Variants in ATOSA observed in about 807,000 individuals in gnomAD.
ATOSA encodes atos homolog A, also known as atos homolog protein A.
At chr15:52,679,334 C>A in the ATOSA span, 1 of 154,192 alleles carries the variant, frequency 6.5e-6, no homozygotes, top group East Asian at 1.9e-4. Flanking sequence ...GCCCCGGCTC[C>A]CCGTCCCCCT....
the ATOSA span, chr15:52,657,006 GA>G: frequency 1.3e-5 from 2 of 152,010 alleles, no homozygotes; most frequent in Non-Finnish European, 2.9e-5. Flanking sequence ...AACATTTTAT[GA>G]AAAGTTTTTC....
At chr15:52,597,562 T>C in the ATOSA span, among the ~76,000 whole-genome samples, 1 of 152,220 alleles carries the variant, frequency 6.6e-6, no homozygotes, top group African/African-American at 2.4e-5. Context: ...TATAAAATTA[T>C]AGAATATACA....
chr15:52,611,001 C>T, the ATOSA span: 10 of 1,109,006 alleles, frequency 9.0e-6, no homozygotes, highest in South Asian at 2.0e-5. Context: ...TTTTGAAAAA[C>T]CTCAGTAAAT....
At chr15:52,707,214 G>A in the ATOSA span, among the ~76,000 whole-genome samples, 1 of 152,216 alleles carries the variant, frequency 6.6e-6, no homozygotes, top group African/African-American at 2.4e-5. Context: ...AGGGGGAAAT[G>A]TTTGATGCGG....
the ATOSA span, among the ~76,000 whole-genome samples, chr15:52,601,346 G>A: frequency 1.3e-5 from 2 of 151,784 alleles, no homozygotes; most frequent in Admixed American, 6.6e-5. Context: ...TTTTATTAGT[G>A]TTGAAAAAAC....
chr15:52,588,153 G>A, the ATOSA span, among the ~76,000 whole-genome samples: 1 of 152,184 alleles, frequency 6.6e-6, no homozygotes, highest in Admixed American at 6.5e-5. Flanking sequence ...CGTTAGGAAT[G>A]TGAAATGTCT....
the ATOSA span, among the ~76,000 whole-genome samples, chr15:52,663,447 G>A: frequency 6.6e-6 from 1 of 151,958 alleles, no homozygotes; most frequent in Non-Finnish European, 1.5e-5. Flanking sequence ...TATCTCAGAG[G>A]TCATACCACA....
chr15:52,678,292 C>A, the ATOSA span: 1 of 593,840 alleles, frequency 1.7e-6, no homozygotes. Flanking sequence ...TCCTCCGGAT[C>A]GAGCACCCCC....
At chr15:52,634,172 C>T in the ATOSA span, among the ~76,000 whole-genome samples, 1,196 of 152,246 alleles carry the variant, frequency 7.9e-3, 7 homozygotes, top group Middle Eastern at 0.014. Context: ...GTGGCTCATG[C>T]CTGTAATCCC....
chr15:52,656,377 G>A, the ATOSA span: 1 of 152,074 alleles, frequency 6.6e-6, no homozygotes, highest in Admixed American at 6.6e-5. Context: ...AATCATATTT[G>A]CTGCAATGAT....
the ATOSA span, among the ~76,000 whole-genome samples, chr15:52,617,010 T>C: frequency 1.3e-5 from 2 of 152,156 alleles, no homozygotes; most frequent in African/African-American, 2.4e-5. Flanking sequence ...TATATTGTTA[T>C]GAAATTAGAG....
chr15:52,658,352 T>C, the ATOSA span: 1 of 158,844 alleles, frequency 6.3e-6, no homozygotes, highest in African/African-American at 2.4e-5. Context: ...AGGGAGATAA[T>C]AGTTGTCTTT....
the ATOSA span, among the ~76,000 whole-genome samples, chr15:52,660,737 C>T: frequency 6.6e-6 from 1 of 152,080 alleles, no homozygotes; most frequent in African/African-American, 2.4e-5. Context: ...CTGCAACATC[C>T]GCCTCCCGGG....
chr15:52,621,141 C>G, the ATOSA span, among the ~76,000 whole-genome samples: 1 of 152,096 alleles, frequency 6.6e-6, no homozygotes, highest in Non-Finnish European at 1.5e-5. Context: ...CAATATGAGA[C>G]TGGTTAAATA....
chr15:52,708,939 T>C, the ATOSA span, among the ~76,000 whole-genome samples: 6 of 152,086 alleles, frequency 3.9e-5, no homozygotes, highest in Non-Finnish European at 8.8e-5. Flanking sequence ...CAAACCCAAA[T>C]GCCTCCAGAG....
the ATOSA span, chr15:52,678,754 C>G: frequency 3.3e-5 from 5 of 153,206 alleles, no homozygotes; most frequent in African/African-American, 1.2e-4. Flanking sequence ...TGTTTACAGC[C>G]TGTGCTCGCC....
the ATOSA span, among the ~76,000 whole-genome samples, chr15:52,691,415 T>A: frequency 6.6e-6 from 1 of 152,194 alleles, no homozygotes; most frequent in South Asian, 2.1e-4. Flanking sequence ...AAAGATAATA[T>A]AACTGTGGCT....
At chr15:52,599,603 C>T in the ATOSA span, among the ~76,000 whole-genome samples, 1 of 152,110 alleles carries the variant, frequency 6.6e-6, no homozygotes, top group East Asian at 1.9e-4. Flanking sequence ...CAATTGAAAC[C>T]CATGATTTCT....
chr15:52,626,543 G>C, the ATOSA span, among the ~76,000 whole-genome samples: 1 of 73,184 alleles, frequency 1.4e-5, no homozygotes. Flanking sequence ...AAAAAAAAAA[G>C]AGAGCGAGAG....
Sources: gnomAD v4.1 joint callset for allele counts (sites outside exome capture counted in the v4.1 genomes callset) on GRCh38, gnomAD v4.1.1 for gene constraint, MANE v1.5 for transcripts, NCBI Gene and HGNC (gene_info 2026-07-23, HGNC 2026-07-21) for gene names.